The following RALGPS2 variants were observed in gnomAD, a reference collection of about 807,000 sequenced individuals.
RALGPS2 encodes ras-specific guanine nucleotide-releasing factor RalGPS2.
RALGPS2 carries 43 observed loss-of-function variants against 86.8 expected under a neutral mutation model. The ratio of observed to expected loss-of-function variants is 0.50; its 90% confidence interval spans 0.39 to 0.64. The LOEUF (loss-of-function observed/expected upper bound fraction) is 0.64, where lower values mean the gene tolerates loss of function less well. Ranked by LOEUF, RALGPS2 falls within the 30% of genes least tolerant of loss-of-function variation. The pLI, the probability that RALGPS2 is intolerant of heterozygous loss-of-function variation, is 0.00. For synonymous variants in RALGPS2, 243 were observed against 231.3 expected (o/e 1.05, Z -0.46); for missense variants, 536 against 694.6 (o/e 0.77, Z 2.57).
intron 18 of RALGPS2, among the ~76,000 whole-genome samples, chr1:178,902,893 C>G (rs966845008): frequency 6.6e-6 from 1 of 152,012 alleles, no homozygotes; most frequent in African/African-American, 2.4e-5. Flanking sequence ...ATTTTACATA[C>G]AGTATATAGA....
At chr1:178,882,646 C>T (rs1026096077) in intron 10 of RALGPS2, among the ~76,000 whole-genome samples, 2 of 152,134 alleles carry the variant, frequency 1.3e-5, no homozygotes, top group African/African-American at 4.8e-5. Context: ...CAATATTAAG[C>T]TTCGTGTATT....
In RALGPS2 at chr1:178,817,746, A is replaced by G. The variant is rs763038695; in HGVS notation, c.388-3866A>G. Among the ~76,000 whole-genome samples, 3 of 152,192 alleles carry G rather than the reference A, an allele frequency of 2.0e-5. No homozygotes were observed. In the East Asian group the frequency reaches 5.8e-4, roughly 29 times the overall value. ...CAACATTAAGACTTTCAATCCACAA[A>G]CATGGTTTATTTCTGTTTAAGTTTT... On this transcript the variant is annotated intron_variant, in intron 6 of 19. Transcript: ENST00000367635.
At chr1:178,752,859 G>A (rs1651756369) in intron 1 of RALGPS2, among the ~76,000 whole-genome samples, 1 of 152,158 alleles carries the variant, frequency 6.6e-6, no homozygotes, top group Admixed American at 6.6e-5. Flanking sequence ...TGAGACTTCT[G>A]AATTCAGTAT....
At chr1:178,822,337 T>G (rs1655546345) in intron 7 of RALGPS2, among the ~76,000 whole-genome samples, 1 of 152,032 alleles carries the variant, frequency 6.6e-6, no homozygotes, top group Admixed American at 6.5e-5. Context: ...TTTTCATTTA[T>G]AGTTTATATA....
At chr1:178,799,352 G>A (rs1373451727) in intron 4 of RALGPS2, among the ~76,000 whole-genome samples, 1 of 151,442 alleles carries the variant, frequency 6.6e-6, no homozygotes, top group African/African-American at 2.4e-5. Flanking sequence ...TTTTAATACA[G>A]ATGAAAGTGT....
At chr1:178,761,183 C>G (rs959178553) in intron 1 of RALGPS2, among the ~76,000 whole-genome samples, 11 of 152,106 alleles carry the variant, frequency 7.2e-5, no homozygotes, top group Non-Finnish European at 1.6e-4. Context: ...GCCACGTTTG[C>G]CAGGCTGGTC....
intron 1 of RALGPS2, among the ~76,000 whole-genome samples, chr1:178,769,250 G>A (rs1026852358): frequency 6.6e-5 from 10 of 151,762 alleles, no homozygotes; most frequent in Non-Finnish European, 1.2e-4. Flanking sequence ...TGAATGCCTG[G>A]AGATCTGCCT....
intron 17 of RALGPS2, among the ~76,000 whole-genome samples, chr1:178,899,529 A>C (rs2102402267): frequency 6.6e-6 from 1 of 152,002 alleles, no homozygotes; most frequent in South Asian, 2.1e-4. Context: ...TAGAATACAA[A>C]TAAATTGGAG....
chr1:178,870,029 C>T (rs1030851181), intron 8 of RALGPS2, among the ~76,000 whole-genome samples: 7 of 152,138 alleles, frequency 4.6e-5, no homozygotes, highest in South Asian at 2.1e-4. Context: ...TTACATAATG[C>T]TTTTGTGTGT....
chr1:178,804,092 T>A (rs1380704459), intron 4 of RALGPS2, among the ~76,000 whole-genome samples: 1 of 151,170 alleles, frequency 6.6e-6, no homozygotes, highest in Non-Finnish European at 1.5e-5. Flanking sequence ...TGGTTTCTAA[T>A]TTAATTTAAG....
At chr1:178,794,366 G>T (rs923984922) in intron 4 of RALGPS2, among the ~76,000 whole-genome samples, 14 of 152,002 alleles carry the variant, frequency 9.2e-5, no homozygotes, top group Non-Finnish European at 2.1e-4. Context: ...GAGCTGCCTT[G>T]GCCTCCCAAA....
rs1558173936 is a variant in RALGPS2 at position 178,892,207 on chromosome 1, CAATTTAT to C, written c.1248-19_1248-13del. ...TGAATAAAAGTATATGTAATATATA[CAATTTAT>C]AATGGAATCCAACAGGAACAGATTA... On this transcript the variant is annotated splice_polypyrimidine_tract_variant and intron_variant, in intron 14 of 19. Transcript: ENST00000367635. 1 of 1,597,378 alleles carries C rather than the reference CAATTTAT, an allele frequency of 6.3e-7. No individual in the cohort carries two copies.
chr1:178,915,247 C>A (rs76382046), intron 19 of RALGPS2, among the ~76,000 whole-genome samples: 2 of 150,864 alleles, frequency 1.3e-5, no homozygotes, highest in African/African-American at 4.9e-5. Flanking sequence ...CTTTTTTTTT[C>A]TTTGAGACAG....
chr1:178,825,059 G>C (rs1655688521), intron 7 of RALGPS2, among the ~76,000 whole-genome samples: 1 of 152,050 alleles, frequency 6.6e-6, no homozygotes, highest in East Asian at 1.9e-4. Flanking sequence ...TGTTAACTAA[G>C]AAAACGTAAT....
intron 1 of RALGPS2, among the ~76,000 whole-genome samples, chr1:178,757,199 G>A (rs1572292174): frequency 1.3e-5 from 2 of 152,142 alleles, no homozygotes; most frequent in African/African-American, 2.4e-5. Context: ...GTAGGAGCCC[G>A]TTTGCGGTCT....
At chr1:178,827,295 G>GA (rs1454020148) in intron 7 of RALGPS2, among the ~76,000 whole-genome samples, 1 of 150,614 alleles carries the variant, frequency 6.6e-6, no homozygotes, top group African/African-American at 2.4e-5. Flanking sequence ...CACAGAAATA[G>GA]AAAAAACAAT....
intron 8 of RALGPS2, among the ~76,000 whole-genome samples, chr1:178,863,793 G>A (rs1658199803): frequency 6.6e-6 from 1 of 152,106 alleles, no homozygotes; most frequent in South Asian, 2.1e-4. Context: ...AGTGAAGGAA[G>A]AATATTAAAA....
chr1:178,772,282 T>G (rs1652847317), intron 1 of RALGPS2, among the ~76,000 whole-genome samples: 1 of 152,216 alleles, frequency 6.6e-6, no homozygotes, highest in East Asian at 1.9e-4. Flanking sequence ...TTAAGTGAAC[T>G]TTTATGGGGT....
At chr1:178,731,904 A>C (rs1472822833) in intron 1 of RALGPS2, among the ~76,000 whole-genome samples, 1 of 152,080 alleles carries the variant, frequency 6.6e-6, no homozygotes, top group Non-Finnish European at 1.5e-5. Flanking sequence ...GCTGTTGTCT[A>C]GTGAAATCAA....
Sources: gnomAD v4.1 joint callset for allele counts (sites outside exome capture counted in the v4.1 genomes callset) on GRCh38, gnomAD v4.1.1 for gene constraint, MANE v1.5 for transcripts, NCBI Gene and HGNC (gene_info 2026-07-23, HGNC 2026-07-21) for gene names.